The following NCK2 variants were observed in gnomAD, a reference collection of about 807,000 sequenced individuals.
The protein encoded by NCK2 is NCK adaptor protein 2, also known as cytoplasmic protein NCK2.
In NCK2, 16 loss-of-function variants were observed where a neutral mutation model predicts 33.9. The ratio of observed to expected loss-of-function variants is 0.47; its 90% CI spans 0.32 to 0.72. The LOEUF is 0.72. Ranked by LOEUF, NCK2 falls within the 30% of genes least tolerant of loss-of-function variation. NCK2 has a pLI of 0.03. For missense variants in NCK2, 418 were observed against 537.3 expected, an observed-to-expected ratio of 0.78 and a Z score of 2.19; for synonymous variants, 273 against 239.9, an observed-to-expected ratio of 1.14 and a Z score of -1.27.
intron 1 of NCK2, among the ~76,000 whole-genome samples, chr2:105,748,036 A>G (rs1689344165): frequency 6.6e-6 from 1 of 152,232 alleles, no homozygotes; most frequent in Non-Finnish European, 1.5e-5. Context: ...AGCAAGTATT[A>G]CCTCTGCCCA....
intron 1 of NCK2, among the ~76,000 whole-genome samples, chr2:105,761,436 T>C (rs1378666661): frequency 6.6e-6 from 1 of 152,198 alleles, no homozygotes; most frequent in African/African-American, 2.4e-5. Context: ...GATGGGACGA[T>C]TCCAGGCTTG....
chr2:105,767,586 G>C (rs1689989413), intron 1 of NCK2, among the ~76,000 whole-genome samples: 1 of 152,156 alleles, frequency 6.6e-6, no homozygotes, highest in Admixed American at 6.5e-5. Flanking sequence ...CAGCATCTGT[G>C]GCTGCCCCAT....
intron 1 of NCK2, among the ~76,000 whole-genome samples, chr2:105,757,635 A>G (rs750715370): frequency 2.6e-5 from 4 of 152,182 alleles, no homozygotes; most frequent in Non-Finnish European, 5.9e-5. Flanking sequence ...CCAGACAAAC[A>G]CCAGCCTTTG....
intron 1 of NCK2, among the ~76,000 whole-genome samples, chr2:105,794,695 TTTTATTTATTTA>T (rs72401438): frequency 1.0e-4 from 15 of 148,240 alleles, no homozygotes; most frequent in South Asian, 6.4e-4. Flanking sequence ...TAGTTTATTA[TTTTATTTATTTA>T]TTTATTTATT....
chr2:105,827,880 C>T (rs552492608), intron 2 of NCK2, among the ~76,000 whole-genome samples: 1 of 152,250 alleles, frequency 6.6e-6, no homozygotes, highest in Admixed American at 6.5e-5. Flanking sequence ...ATGAAATAGT[C>T]TTGATTGGCA....
At chr2:105,885,304 C>CT (rs35571182) in intron 4 of NCK2, among the ~76,000 whole-genome samples, 3 of 151,942 alleles carry the variant, frequency 2.0e-5, no homozygotes, top group Non-Finnish European at 2.9e-5. Flanking sequence ...TCATACAGTA[C>CT]TTTTTTTTCC....
chr2:105,785,081 C>A (rs1044870590), intron 1 of NCK2, among the ~76,000 whole-genome samples: 1 of 152,204 alleles, frequency 6.6e-6, no homozygotes, highest in Non-Finnish European at 1.5e-5. Context: ...TGGGTTCACG[C>A]CATTCTCCTG....
intron 1 of NCK2, among the ~76,000 whole-genome samples, chr2:105,791,031 C>T (rs1027791896): frequency 2.2e-4 from 33 of 152,286 alleles, no homozygotes; most frequent in African/African-American, 7.7e-4. Context: ...TGTCCGCTCC[C>T]ACTCAGGAAA....
chr2:105,853,219 A>T (rs1020719973), intron 2 of NCK2, among the ~76,000 whole-genome samples: 9 of 152,130 alleles, frequency 5.9e-5, no homozygotes, highest in African/African-American at 2.2e-4. Context: ...CTGAATATTG[A>T]ATTTTTCTGC....
At chr2:105,764,588 C>G (rs769313630) in intron 1 of NCK2, among the ~76,000 whole-genome samples, 1 of 152,202 alleles carries the variant, frequency 6.6e-6, no homozygotes, top group Non-Finnish European at 1.5e-5. Context: ...AAAAAGATCT[C>G]AAAGTGCAAA....
intron 3 of NCK2, among the ~76,000 whole-genome samples, chr2:105,858,739 T>C (rs1470275378): frequency 6.6e-6 from 1 of 152,260 alleles, no homozygotes; most frequent in Non-Finnish European, 1.5e-5. Context: ...TACAGTACTT[T>C]GTTAAGAGTA....
chr2:105,890,719 C>T (rs558481046), intron 4 of NCK2, among the ~76,000 whole-genome samples: 44 of 152,366 alleles, frequency 2.9e-4, no homozygotes, highest in African/African-American at 1.0e-3. Flanking sequence ...GTGAGCCCAG[C>T]TGCCTTGCAC....
intron 1 of NCK2, among the ~76,000 whole-genome samples, chr2:105,793,002 G>A (rs748681921): frequency 3.3e-5 from 5 of 152,034 alleles, no homozygotes; most frequent in Non-Finnish European, 7.3e-5. Flanking sequence ...TTCCCTAATG[G>A]TGGGATTCTT....
intron 1 of NCK2, among the ~76,000 whole-genome samples, chr2:105,803,179 G>C (rs1236487233): frequency 6.6e-6 from 1 of 152,106 alleles, no homozygotes; most frequent in African/African-American, 2.4e-5. Context: ...ATCTAAGATA[G>C]TTGTTAATAT....
chr2:105,746,331 G>A (rs1056319385), intron 1 of NCK2, among the ~76,000 whole-genome samples: 1 of 152,062 alleles, frequency 6.6e-6, no homozygotes, highest in East Asian at 1.9e-4. Context: ...GGCTTGCTGG[G>A]ACCTACAGGT....
chr2:105,752,680 C>T (rs927806354), intron 1 of NCK2, among the ~76,000 whole-genome samples: 2 of 152,176 alleles, frequency 1.3e-5, no homozygotes, highest in Non-Finnish European at 2.9e-5. Context: ...CTCTCATCAT[C>T]CACCCCTTCC....
At chr2:105,861,429 G>A (rs2104601907) in intron 3 of NCK2, among the ~76,000 whole-genome samples, 1 of 152,216 alleles carries the variant, frequency 6.6e-6, no homozygotes, top group South Asian at 2.1e-4. Flanking sequence ...GCTGTGTGCT[G>A]GATCCAGGAG....
chr2:105,852,660 T>A (rs1677111834), intron 2 of NCK2, among the ~76,000 whole-genome samples: 1 of 152,222 alleles, frequency 6.6e-6, no homozygotes, highest in African/African-American at 2.4e-5. Flanking sequence ...GTGGAAATTG[T>A]GTAATTAAGA....
intron 1 of NCK2, among the ~76,000 whole-genome samples, chr2:105,777,719 G>T (rs1690358673): frequency 6.6e-6 from 1 of 151,870 alleles, no homozygotes; most frequent in African/African-American, 2.4e-5. Flanking sequence ...TGGACACTGT[G>T]GTTCTCTGGT....
Sources: gnomAD v4.1 joint callset for allele counts (sites outside exome capture counted in the v4.1 genomes callset) on GRCh38, gnomAD v4.1.1 for gene constraint, MANE v1.5 for transcripts, NCBI Gene and HGNC (gene_info 2026-07-23, HGNC 2026-07-21) for gene names.